VAPB: variants seen among roughly 807,000 people sequenced by gnomAD.
VAPB encodes the protein vesicle-associated membrane protein-associated protein B/C.
In VAPB, 7 loss-of-function variants were observed where a neutral mutation model predicts 25.6. The ratio of observed to expected loss-of-function variants is 0.27; its 90% CI spans 0.16 to 0.51. The LOEUF (loss-of-function observed/expected upper bound fraction) is 0.51. Ranked by LOEUF, VAPB falls within the 20% of genes least tolerant of loss-of-function variation. The probability of loss-of-function intolerance (pLI) is 0.97; values close to 1 mark genes in which losing one functional copy is unlikely to be tolerated. For missense variants in VAPB, 266 were observed against 301.3 expected (o/e 0.88, Z 0.87); for synonymous variants, 112 against 109.2 (o/e 1.03, Z -0.16).
At chr20:58,424,069 C>T (rs149570915) in intron 2 of VAPB, among the ~76,000 whole-genome samples, 4 of 152,116 alleles carry the variant, frequency 2.6e-5, no homozygotes, top group African/African-American at 9.7e-5. Flanking sequence ...ATCAAGAGGA[C>T]TTACACATTT....
At chr20:58,442,542 A>G (rs1485700879) in intron 5 of VAPB, among the ~76,000 whole-genome samples, 1 of 152,236 alleles carries the variant, frequency 6.6e-6, no homozygotes, top group Non-Finnish European at 1.5e-5. Flanking sequence ...GAATATCCTT[A>G]AAATATGATC....
chr20:58,414,778 C>A (rs561327855), intron 1 of VAPB, among the ~76,000 whole-genome samples: 1 of 149,936 alleles, frequency 6.7e-6, no homozygotes, highest in African/African-American at 2.5e-5. Context: ...ACATCCCAGA[C>A]GATGGGTGGC....
chr20:58,394,423 C>T (rs1210565033), intron 1 of VAPB, among the ~76,000 whole-genome samples: 2 of 152,216 alleles, frequency 1.3e-5, no homozygotes, highest in Non-Finnish European at 2.9e-5. Context: ...TTTAGCATGG[C>T]ACTGATTTTC....
chr20:58,443,398 G>GTTT (rs397773897), intron 5 of VAPB, among the ~76,000 whole-genome samples: 11,620 of 112,590 alleles, frequency 0.1, 768 homozygotes, highest in African/African-American at 0.14. Flanking sequence ...CCACTTTTAG[G>GTTT]TTTTTTTTTT....
intron 2 of VAPB, among the ~76,000 whole-genome samples, chr20:58,430,513 G>T (rs1290849124): frequency 6.6e-6 from 1 of 152,108 alleles, no homozygotes; most frequent in Non-Finnish European, 1.5e-5. Context: ...ACCCACCTTG[G>T]CCTCCCAAAG....
intron 3 of VAPB, among the ~76,000 whole-genome samples, chr20:58,436,929 A>G (rs1989060340): frequency 6.8e-6 from 1 of 146,022 alleles, no homozygotes; most frequent in Non-Finnish European, 1.5e-5. Flanking sequence ...ATTATTTCCT[A>G]GTTGTTCCAA....
intron 1 of VAPB, among the ~76,000 whole-genome samples, chr20:58,400,033 T>C (rs945324601): frequency 2.6e-5 from 4 of 152,210 alleles, no homozygotes; most frequent in Admixed American, 6.5e-5. Context: ...ATCAGTGTTA[T>C]GGCCATCTCC....
rs80106150 is a variant in VAPB, at chr20:58,397,070, A to C, written c.58+7553A>C. Reference sequence around the variant, plus strand: ...GCTGTCAGGACAATTTCTTAAGAACATCAATTCATTAAGAGTTATTCTCTG... The same window carrying C: ...GCTGTCAGGACAATTTCTTAAGAACCTCAATTCATTAAGAGTTATTCTCTG... On this transcript the variant is annotated intron_variant, in intron 1 of 5. Coordinates refer to ENST00000475243, the MANE Select transcript of VAPB (RefSeq NM_004738.5). 9.8e-5 allele frequency among the ~76,000 whole-genome samples: 15 copies of C among 152,388 alleles called. No homozygotes were observed. The East Asian group carries it at 2.7e-3, about 27-fold the overall frequency.
intron 1 of VAPB, among the ~76,000 whole-genome samples, chr20:58,405,572 C>T (rs538554171): frequency 6.6e-6 from 1 of 151,220 alleles, no homozygotes; most frequent in South Asian, 2.1e-4. Context: ...AAGCAATTCT[C>T]TTGCCTCAGC....
At chr20:58,399,417 T>C (rs1166563305) in intron 1 of VAPB, among the ~76,000 whole-genome samples, 1 of 152,142 alleles carries the variant, frequency 6.6e-6, no homozygotes, top group African/African-American at 2.4e-5. Flanking sequence ...TTAGAATGAC[T>C]GTGACTGACT....
Position 58,447,190 on chromosome 20 carries a change from CAG to C in VAPB, c.*2957_*2958del, listed in dbSNP as rs1568724221. The C allele has an allele frequency of 2.2e-6, 1 of 454,074 alleles. No individual in the cohort carries two copies. Among genetic ancestry groups the C allele is most frequent in the Admixed American group, 2.3e-5 (1 of 42,580 alleles). 28.1% of individuals were successfully genotyped at this position (454,074 alleles called of 1,614,324 possible). ...AATGCAGAAGAGATGGAAGCGGTGA[CAG>C]AATCCTGAAAGTTTTTATTGATTGA... On this transcript the variant is annotated 3_prime_UTR_variant, in exon 6 of 6. Transcript: ENST00000475243.
At chr20:58,409,243 TAAAC>T (rs958890354) in intron 1 of VAPB, among the ~76,000 whole-genome samples, 1 of 152,128 alleles carries the variant, frequency 6.6e-6, no homozygotes, top group Non-Finnish European at 1.5e-5. Context: ...AAGATTTACA[TAAAC>T]AAGAAAAGAA....
intron 2 of VAPB, among the ~76,000 whole-genome samples, chr20:58,430,513 G>C (rs1290849124): frequency 1.3e-5 from 2 of 152,108 alleles, no homozygotes; most frequent in Non-Finnish European, 2.9e-5. Flanking sequence ...ACCCACCTTG[G>C]CCTCCCAAAG....
chr20:58,431,369 G>C (rs1450932307), intron 2 of VAPB: 1 of 152,116 alleles, frequency 6.6e-6, no homozygotes, highest in Non-Finnish European at 1.5e-5. Context: ...AGCTCTGGTT[G>C]GCAGATGAAA....
intron 2 of VAPB, among the ~76,000 whole-genome samples, chr20:58,433,031 A>G (rs979533532): frequency 2.0e-5 from 3 of 152,180 alleles, no homozygotes; most frequent in Non-Finnish European, 2.9e-5. Context: ...TTTAAGTCCA[A>G]TGCATGGTTA....
chr20:58,440,954 A>G lies in VAPB; in HGVS notation c.444A>G (p.Thr148=). The change falls in exon 5 of 6, where the codon ACA becomes ACG. Residue 148 remains threonine (T), a synonymous_variant. Coordinates refer to ENST00000475243, the MANE Select transcript of VAPB (RefSeq NM_004738.5). ...TTATATCCACAACTGCATCAAAGAC[A>G]GAAACACCAATAGTGTCTAAGTCTC... is the stretch of plus-strand genomic sequence containing the variant. ...NKIISTTASK[T]ETPIVSKSLS... The G allele has an allele frequency of 6.2e-7, 1 of 1,614,108 alleles. No homozygotes were observed. Among genetic ancestry groups the G allele is most frequent in the Non-Finnish European group, 8.5e-7 (1 of 1,179,990 alleles).
At chr20:58,440,519 C>T (rs1340118280) in intron 4 of VAPB, 1 of 239,588 alleles carries the variant, frequency 4.2e-6, no homozygotes, top group Non-Finnish European at 8.3e-6. Context: ...CCTCCTAACC[C>T]CACTAAGGCA....
At chr20:58,426,202 G>A (rs1988779253) in intron 2 of VAPB, among the ~76,000 whole-genome samples, 2 of 152,068 alleles carry the variant, frequency 1.3e-5, no homozygotes, top group South Asian at 4.1e-4. Context: ...GGCCTTGTTT[G>A]TTTAGTTATT....
In VAPB at chr20:58,438,953, G is replaced by A. The variant is rs1989104870; in HGVS notation, c.324G>A (p.Glu108=). ...AATTTAAATTGTTTTAGTGGAAGGA[G>A]GCAAAACCGGAAGACCTTATGGATT... ...DTSDMEAVWK[E]AKPEDLMDSK... The change falls in exon 4 of 6, where the codon GAG becomes GAA. Residue 108 remains glutamate (E), a synonymous_variant. Coordinates refer to ENST00000475243, the MANE Select transcript of VAPB (RefSeq NM_004738.5). 6.2e-7 allele frequency: 1 copy of A among 1,613,736 alleles called. No homozygotes were observed. Among genetic ancestry groups the A allele is most frequent in the Non-Finnish European group, 8.5e-7 (1 of 1,179,860 alleles).
Sources: gnomAD v4.1 joint callset for allele counts (sites outside exome capture counted in the v4.1 genomes callset) on GRCh38, gnomAD v4.1.1 for gene constraint, MANE v1.5 for transcripts, NCBI Gene and HGNC (gene_info 2026-07-23, HGNC 2026-07-21) for gene names.